The following PPP1R12A variants were observed in gnomAD, a reference collection of about 807,000 sequenced individuals.
PPP1R12A encodes myosin binding subunit.
In PPP1R12A, 19 loss-of-function variants were observed where a neutral mutation model predicts 139.6. The ratio of observed to expected loss-of-function variants is 0.14; its 90% CI spans 0.09 to 0.20. The LOEUF (loss-of-function observed/expected upper bound fraction) is 0.20, where lower values mean the gene tolerates loss of function less well. PPP1R12A is among the 10% of genes least tolerant of loss of function. PPP1R12A has a pLI of 1.00. For missense variants in PPP1R12A, 925 were observed against 1,211.5 expected (o/e 0.76, Z 3.51); for synonymous variants, 427 against 420.6 (o/e 1.02, Z -0.19).
chr12:79,860,561 T>TG (rs1227074920), intron 2 of PPP1R12A, among the ~76,000 whole-genome samples: 3 of 152,096 alleles, frequency 2.0e-5, no homozygotes, highest in South Asian at 2.1e-4. Flanking sequence ...TTACAAAAGA[T>TG]GGGGGGATTA....
At chr12:79,889,287 A>G (rs1267787591) in intron 1 of PPP1R12A, among the ~76,000 whole-genome samples, 1 of 152,316 alleles carries the variant, frequency 6.6e-6, no homozygotes, top group South Asian at 2.1e-4. Context: ...TAGGAAATAG[A>G]GCCCTAGTAA....
In PPP1R12A at chr12:79,795,627, T is replaced by A. The variant is rs763929540; in HGVS notation, c.2583+11A>T. 1 of 1,603,756 alleles carries A rather than the reference T, an allele frequency of 6.2e-7. No individual in the cohort carries two copies. On this transcript the variant is annotated intron_variant, in intron 18 of 24. Transcript: ENST00000450142. ...AATACTATCAAATAATGTATTTTAA[T>A]AGGTTCTCACATCTTGTGTCCAAAA...
rs1286138547 is a variant in PPP1R12A at position 79,820,826 on chromosome 12, G to A, written c.1062C>T (p.Ser354=). Residue 354 remains serine, a synonymous_variant, in exon 8 of 25, where the codon AGC becomes AGT. Transcript: ENST00000450142. The part of the protein sequence containing the change: ...EEEEGKKDES[S]CSSEEDEEDD... The stretch of plus-strand genomic sequence containing the variant: ...CTTCCTCATCTTCTTCACTAGAGCA[G>A]CTAGACTCATCCTTCTTTCCTTCTT... 1 of 1,613,496 alleles carries A rather than the reference G, an allele frequency of 6.2e-7. No individual in the cohort carries two copies. Among genetic ancestry groups the A allele is most frequent in the Admixed American group, 1.7e-5 (1 of 60,004 alleles).
At chr12:79,839,655 C>T (rs1172819173) in intron 3 of PPP1R12A, among the ~76,000 whole-genome samples, 1 of 152,088 alleles carries the variant, frequency 6.6e-6, no homozygotes, top group Admixed American at 6.5e-5. Context: ...AGGGTCTTTG[C>T]TTGGCACTTC....
At chr12:79,816,951 C>G (rs373854898) in intron 9 of PPP1R12A, among the ~76,000 whole-genome samples, 1 of 151,988 alleles carries the variant, frequency 6.6e-6, no homozygotes, top group Non-Finnish European at 1.5e-5. Context: ...GATTTTAGTT[C>G]TCTCATTGAC....
intron 2 of PPP1R12A, among the ~76,000 whole-genome samples, chr12:79,867,120 C>T (rs1882054889): frequency 6.6e-6 from 1 of 152,174 alleles, no homozygotes; most frequent in South Asian, 2.1e-4. Flanking sequence ...CACATATACA[C>T]CATGGAATAT....
chr12:79,845,022 A>G (rs1879218846), intron 3 of PPP1R12A, among the ~76,000 whole-genome samples: 1 of 152,148 alleles, frequency 6.6e-6, no homozygotes, highest in Non-Finnish European at 1.5e-5. Context: ...TGCACTTTCT[A>G]TCCCCTTTGC....
chr12:79,880,113 T>C (rs1453284457), intron 1 of PPP1R12A, among the ~76,000 whole-genome samples: 3 of 152,272 alleles, frequency 2.0e-5, no homozygotes, highest in Middle Eastern at 6.8e-3. Flanking sequence ...TACTAAAAAG[T>C]ATATATGCCA....
chr12:79,876,490 C>T (rs1469312119), intron 1 of PPP1R12A, among the ~76,000 whole-genome samples: 1 of 152,170 alleles, frequency 6.6e-6, no homozygotes, highest in East Asian at 1.9e-4. Flanking sequence ...AATGATAGGG[C>T]TGGGAATCTC....
At chr12:79,785,212 T>A (rs1166856464) in intron 22 of PPP1R12A, among the ~76,000 whole-genome samples, 1 of 152,244 alleles carries the variant, frequency 6.6e-6, no homozygotes, top group Non-Finnish European at 1.5e-5. Flanking sequence ...CATCTCACTA[T>A]GAAACCTATT....
intron 1 of PPP1R12A, among the ~76,000 whole-genome samples, chr12:79,874,964 T>G (rs1224198705): frequency 6.6e-6 from 1 of 152,200 alleles, no homozygotes; most frequent in Non-Finnish European, 1.5e-5. Context: ...TTCCTTCTCA[T>G]TAAACAAATC....
intron 3 of PPP1R12A, among the ~76,000 whole-genome samples, chr12:79,836,252 C>A (rs1878068025): frequency 6.6e-6 from 1 of 152,104 alleles, no homozygotes; most frequent in African/African-American, 2.4e-5. Context: ...GATAATCAGC[C>A]CATTTAAGAT....
intron 1 of PPP1R12A, among the ~76,000 whole-genome samples, chr12:79,916,900 TTTC>T (rs1300936583): frequency 2.0e-5 from 3 of 152,190 alleles, no homozygotes; most frequent in Admixed American, 2.0e-4. Context: ...AATTGAGATT[TTTC>T]TTTTTTTTTT....
At chr12:79,784,488 C>T (rs1870863864) in intron 22 of PPP1R12A, among the ~76,000 whole-genome samples, 1 of 152,178 alleles carries the variant, frequency 6.6e-6, no homozygotes, top group African/African-American at 2.4e-5. Context: ...ATTCCCCTCT[C>T]TTGCAGGGTT....
chr12:79,862,760 T>C (rs1449469957), intron 2 of PPP1R12A, among the ~76,000 whole-genome samples: 1 of 151,586 alleles, frequency 6.6e-6, no homozygotes, highest in African/African-American at 2.4e-5. Flanking sequence ...AAAAGAGAAG[T>C]TTAGAGAAAA....
At chr12:79,803,154 C>A in intron 14 of PPP1R12A, among the ~76,000 whole-genome samples, 1 of 152,144 alleles carries the variant, frequency 6.6e-6, no homozygotes, top group Non-Finnish European at 1.5e-5. Flanking sequence ...ACATTCATCC[C>A]AAATTAGCAT....
At position 79,806,320 on chromosome 12, in the gene PPP1R12A, T is replaced by C; in HGVS notation, c.1669A>G (p.Arg557Gly). 1 of 1,613,564 alleles carries C rather than the reference T, an allele frequency of 6.2e-7. No homozygotes were observed. Among genetic ancestry groups the C allele is most frequent in the Non-Finnish European group, 8.5e-7 (1 of 1,179,566 alleles). Reference protein sequence around the residue: ...STYHKSCSFGRRQDDLISSSV... With the variant: ...STYHKSCSFGGRQDDLISSSV... Reference sequence around the variant, plus strand: ...GAACTAATCAAATCATCTTGTCTTCTACCAAAGGAGCAACTAAACAAAAGA... The same window carrying C: ...GAACTAATCAAATCATCTTGTCTTCCACCAAAGGAGCAACTAAACAAAAGA... Residue 557 changes from arginine to glycine, a missense_variant, in exon 13 of 25, where the codon AGA becomes GGA. Physicochemically the swap from Arg to Gly is moderately radical, Grantham distance 125. This residue lies in a region of PPP1R12A where 403 missense variants were observed against 463.7 expected (regional missense o/e 0.87). Coordinates refer to ENST00000450142, the MANE Select transcript of PPP1R12A (RefSeq NM_002480.3).
At chr12:79,847,908 GA>G (rs1456298191) in intron 2 of PPP1R12A, among the ~76,000 whole-genome samples, 1 of 152,038 alleles carries the variant, frequency 6.6e-6, no homozygotes, top group Non-Finnish European at 1.5e-5. Context: ...ATTTTCCTTA[GA>G]ATAAATGAAA....
intron 1 of PPP1R12A, among the ~76,000 whole-genome samples, chr12:79,917,176 A>C (rs556579514): frequency 6.6e-6 from 1 of 152,296 alleles, no homozygotes; most frequent in Admixed American, 6.5e-5. Context: ...AGGGAAAAAG[A>C]TGCCATGTTA....
Sources: gnomAD v4.1 joint callset for allele counts (sites outside exome capture counted in the v4.1 genomes callset) on GRCh38, gnomAD v4.1.1 for gene constraint, gnomAD v4.1.1 regional missense constraint, MANE v1.5 for transcripts, NCBI Gene and HGNC (gene_info 2026-07-23, HGNC 2026-07-21) for gene names.